The following MAP2K3 variants were observed in gnomAD, a reference collection of about 807,000 sequenced individuals.
MAP2K3 encodes dual specificity mitogen-activated protein kinase kinase 3.
A neutral mutation model predicts 46.4 loss-of-function variants in MAP2K3; 30 were observed. The ratio of observed to expected loss-of-function variants is 0.65; its 90% confidence interval spans 0.48 to 0.88. MAP2K3 has a LOEUF of 0.88. MAP2K3 is among the 40% of genes least tolerant of loss of function. The pLI is 0.00. For missense variants in MAP2K3, 380 were observed against 464.5 expected (o/e 0.82, Z 1.67); for synonymous variants, 189 against 176.3 (o/e 1.07, Z -0.57).
rs757705153 is a variant in MAP2K3, at chr17:21,300,636, G to T, written c.257G>T (p.Ser86Ile). The change falls in exon 4 of 12, where the codon AGC becomes ATC. Residue 86 changes from serine to isoleucine, a missense_variant. By Grantham distance (142) the Ser-to-Ile change is moderately radical. Around this residue, in one of 5 missense-constraint regions of MAP2K3, gnomAD observed 294 missense variants for 275.4 expected, o/e 1.07. Coordinates refer to ENST00000342679, the MANE Select transcript of MAP2K3 (RefSeq NM_145109.3). Reference sequence around the variant, plus strand: ...GTAGAGAAGGTGCGGCACGCCCAGAGCGGCACCATCATGGCCGTGAAGGTG... The same window carrying T: ...GTAGAGAAGGTGCGGCACGCCCAGATCGGCACCATCATGGCCGTGAAGGTG... ...GVVEKVRHAQ[S>I]GTIMAVKRIR... 2 of 1,611,954 alleles carry T rather than the reference G, an allele frequency of 1.2e-6. No individual in the cohort carries two copies. The highest frequency in any genetic ancestry group is 1.7e-6 in the Non-Finnish European group (2 of 1,179,082).
chr17:21,296,257 A>C, intron 1 of MAP2K3: 1 of 1,188,896 alleles, frequency 8.4e-7, no homozygotes, highest in Non-Finnish European at 1.1e-6. Flanking sequence ...GAGGAACCCA[A>C]GGTGCAGAGG....
intron 10 of MAP2K3, among the ~76,000 whole-genome samples, chr17:21,312,918 CAA>C (rs113429381): frequency 6.7e-5 from 8 of 119,822 alleles, no homozygotes; most frequent in African/African-American, 1.2e-4. Flanking sequence ...GAGACTGTCT[CAA>C]AAAAAAAAAA....
chr17:21,309,548 ATTT>A (rs1388593126), intron 9 of MAP2K3, among the ~76,000 whole-genome samples: 1 of 151,812 alleles, frequency 6.6e-6, no homozygotes, highest in African/African-American at 2.4e-5. Context: ...TATATATAAT[ATTT>A]TTATTACATA....
At position 21,284,727 on chromosome 17, in the gene MAP2K3, C is replaced by T. The variant is rs1209126586; in HGVS notation, c.-194C>T. ...GCGCTGCCCAGTCTGTCTCCGGCGC[C>T]GCCCGTCGCGGACTCGTCCTTGCTG... is the stretch of plus-strand genomic sequence containing the variant. On this transcript the variant is annotated 5_prime_UTR_variant, in exon 1 of 12. Coordinates refer to ENST00000342679, the MANE Select transcript of MAP2K3 (RefSeq NM_145109.3). The T allele has an allele frequency of 9.6e-6, 5 of 518,290 alleles. No individual in the cohort carries two copies. The highest frequency in any genetic ancestry group is 3.6e-5 in the South Asian group (1 of 28,050). 32.1% of individuals were successfully genotyped at this position (518,290 alleles called of 1,614,324 possible). A position where few individuals can be genotyped will look rare whatever the true frequency, so the allele number is the denominator to read the frequency against.
chr17:21,292,156 A>G lies in MAP2K3; in HGVS notation c.50-6257A>G, dbSNP rs924292559. 2.0e-5 allele frequency among the ~76,000 whole-genome samples: 3 copies of G among 152,312 alleles called. No individual in the cohort carries two copies. The South Asian group carries it at 6.2e-4, about 31-fold the overall frequency. On this transcript the variant is annotated intron_variant, in intron 1 of 11. Transcript: ENST00000342679. ...CTCTGGGGCACCCTCCAGCCTGAGCAGCCTGCTGCGGGGGCTGTACTGTGC... is the reference window on the plus strand; with the variant it reads ...CTCTGGGGCACCCTCCAGCCTGAGCGGCCTGCTGCGGGGGCTGTACTGTGC...
intron 7 of MAP2K3, among the ~76,000 whole-genome samples, chr17:21,303,916 CA>C (rs1976743593): frequency 6.6e-6 from 1 of 152,310 alleles, no homozygotes; most frequent in Non-Finnish European, 1.5e-5. Flanking sequence ...CATCTTTACA[CA>C]CATCCCCATG....
At chr17:21,310,974 T>C (rs1442770473) in intron 9 of MAP2K3, among the ~76,000 whole-genome samples, 2 of 152,252 alleles carry the variant, frequency 1.3e-5, no homozygotes, top group African/African-American at 4.8e-5. Context: ...GGGTACTTGC[T>C]CTACATATTG....
Position 21,314,302 on chromosome 17 carries a change from A to G in MAP2K3, c.*72A>G. ...CCATCTGCGGGGGCAGTGCTCACCCACACCATAAGCTACTGCCATCCTGGC... is the reference window on the plus strand; with the variant it reads ...CCATCTGCGGGGGCAGTGCTCACCCGCACCATAAGCTACTGCCATCCTGGC... On this transcript the variant is annotated 3_prime_UTR_variant, in exon 12 of 12. Transcript: ENST00000342679. The G allele has an allele frequency of 7.5e-7, 1 of 1,325,114 alleles. No homozygotes were observed. Among genetic ancestry groups the G allele is most frequent in the Non-Finnish European group, 1.1e-6 (1 of 923,054 alleles). The allele number at this position is 1,325,114 out of a possible 1,614,324, so 82.1% of individuals were successfully genotyped here. A position where few individuals can be genotyped will look rare whatever the true frequency, so the allele number is the denominator to read the frequency against.
At chr17:21,289,024 TTTA>T (rs1195492069) in intron 1 of MAP2K3, among the ~76,000 whole-genome samples, 2 of 152,240 alleles carry the variant, frequency 1.3e-5, no homozygotes, top group African/African-American at 4.8e-5. Context: ...CTGTTATTAT[TTTA>T]TTATTGTTAC....
intron 6 of MAP2K3, 23 bp from the exon 7 acceptor site, chr17:21,303,160 C>A (rs1413545563): frequency 2.5e-6 from 4 of 1,614,114 alleles, no homozygotes; most frequent in African/African-American, 1.3e-5. Context: ...CTGTCTCTTC[C>A]CTCCTCCCCA....
chr17:21,312,068 C>T (rs866227999), intron 9 of MAP2K3, 74 bp from the exon 10 acceptor site: 1 of 1,408,428 alleles, frequency 7.1e-7, no homozygotes, highest in Non-Finnish European at 9.3e-7. Context: ...GTGGGAGCCC[C>T]CAACCCTCGC....
intron 11 of MAP2K3, chr17:21,313,784 AG>A: frequency 3.4e-6 from 2 of 583,922 alleles, no homozygotes; most frequent in Non-Finnish European, 6.1e-6. Flanking sequence ...AGAGGGGCCA[AG>A]GGTGGCATCA....
Position 21,301,124 on chromosome 17 carries a change from G to A in MAP2K3, c.399+131G>A, listed in dbSNP as rs552756079. The A allele has an allele frequency of 3.7e-4, 555 of 1,489,966 alleles. No homozygotes were observed. In the African/African-American group the frequency reaches 6.1e-3, roughly 16 times the overall value. 92.3% of individuals were successfully genotyped at this position (1,489,966 alleles called of 1,614,324 possible). On this transcript the variant is annotated intron_variant, in intron 5 of 11. Transcript: ENST00000342679. Reference sequence around the variant, plus strand: ...TGGCATACTGGCAGGAGGCTCCCCCGTCTCTTGGCTGTTACTGTCCTGCTC... The same window carrying A: ...TGGCATACTGGCAGGAGGCTCCCCCATCTCTTGGCTGTTACTGTCCTGCTC...
At chr17:21,296,052 T>C in intron 1 of MAP2K3, 1 of 1,289,238 alleles carries the variant, frequency 7.8e-7, no homozygotes, top group Non-Finnish European at 1.0e-6. Flanking sequence ...ATAATTCTCA[T>C]TACTTAGGGC....
chr17:21,313,200 T>A (rs1237607249), intron 10 of MAP2K3, among the ~76,000 whole-genome samples: 8 of 152,170 alleles, frequency 5.3e-5, no homozygotes, highest in Admixed American at 1.3e-4. Context: ...GTGTGACTGT[T>A]AGGCAGAGCA....
chr17:21,291,341 T>TACAACACAACACAACACAACACAAC lies in MAP2K3; in HGVS notation c.49+6376_49+6377insCACAACACAACACAACACAACACAA, dbSNP rs1439467768. 4.3e-3 allele frequency: 399 copies of TACAACACAACACAACACAACACAAC among 93,502 alleles called. 3 individuals are homozygous for TACAACACAACACAACACAACACAAC. The highest frequency in any genetic ancestry group is 0.026 in the African/African-American group (327 of 12,340). The allele number at this position is 93,502 out of a possible 1,614,324, so 5.8% of individuals were successfully genotyped here. Reference sequence around the variant, plus strand: ...TAGAATACAATAGAATACAGTACAATACAATACAACACAACACAACACAAC... The same window carrying TACAACACAACACAACACAACACAAC: ...TAGAATACAATAGAATACAGTACAATACAACACAACACAACACAACACAACACAATACAACACAACACAACACAAC... On this transcript the variant is annotated intron_variant, in intron 1 of 11. Transcript: ENST00000342679.
intron 3 of MAP2K3, among the ~76,000 whole-genome samples, chr17:21,299,549 G>A (rs949026280): frequency 6.6e-6 from 1 of 152,308 alleles, no homozygotes; most frequent in Non-Finnish European, 1.5e-5. Flanking sequence ...CAGCGTGGTG[G>A]TGCGTGCCTG....
chr17:21,307,847 T>A (rs1976972600), intron 9 of MAP2K3, among the ~76,000 whole-genome samples: 1 of 5,020 alleles, frequency 2.0e-4, no homozygotes, highest in African/African-American at 6.5e-4. Flanking sequence ...CCGGCTATCT[T>A]TTTTTTTTTT....
chr17:21,303,119 C>T (rs1022082948), intron 6 of MAP2K3, 64 bp from the exon 7 acceptor site: 88 of 1,605,958 alleles, frequency 5.5e-5, no homozygotes, highest in African/African-American at 6.7e-5. Context: ...ACTGCTCTGT[C>T]GTTTTTGACG....
Sources: gnomAD v4.1 joint callset for allele counts (sites outside exome capture counted in the v4.1 genomes callset) on GRCh38, gnomAD v4.1.1 for gene constraint, gnomAD v4.1.1 regional missense constraint, MANE v1.5 for transcripts, NCBI Gene and HGNC (gene_info 2026-07-23, HGNC 2026-07-21) for gene names.